Variants in LMLN observed in about 807,000 individuals in gnomAD.
LMLN encodes the protein leishmanolysin-like peptidase.
Under a neutral mutation model 92.3 loss-of-function variants are expected in LMLN, and 70 were observed. That is an observed-to-expected ratio of 0.76 (90% CI 0.63 to 0.92). LMLN has a LOEUF of 0.92. LMLN is among the 40% of genes least tolerant of loss of function. The pLI is 0.00. For missense variants in LMLN, 691 were observed against 814.6 expected (o/e 0.85, Z 1.85); for synonymous variants, 308 against 296.2 (o/e 1.04, Z -0.41).
In LMLN at chr3:198,019,125, A is replaced by G; in HGVS notation, c.1233-128A>G. 1.1e-6 allele frequency: 1 copy of G among 907,316 alleles called. No individual in the cohort carries two copies. The highest frequency in any genetic ancestry group is 2.6e-5 in the East Asian group (1 of 38,098). 56.2% of individuals were successfully genotyped at this position (907,316 alleles called of 1,614,324 possible). On this transcript the variant is annotated intron_variant, in intron 11 of 15. Transcript: ENST00000330198. The surrounding 1 kb of genome is among the most constrained non-coding windows in gnomAD (Gnocchi z 5.5). ...ACATTGCCTCCATCTCTTTCCAAGAATCCCATTTGTTAATTATGAAGGTTT... is the reference window on the plus strand; with the variant it reads ...ACATTGCCTCCATCTCTTTCCAAGAGTCCCATTTGTTAATTATGAAGGTTT...
exon 16 of LMLN, chr3:198,038,691 A>G (rs748177909): frequency 2.0e-6 from 3 of 1,512,940 alleles, no homozygotes; most frequent in Admixed American, 3.3e-5. Flanking sequence ...GATCTTCAAG[A>G]TATTCTTTTA....
intron 11 of LMLN, among the ~76,000 whole-genome samples, chr3:198,012,303 G>T (rs1722467847): frequency 6.6e-6 from 1 of 152,214 alleles, no homozygotes; most frequent in Admixed American, 6.5e-5. Flanking sequence ...GACCTCAGCT[G>T]ATCTGCCCGC....
rs1234413035 is a variant in LMLN at position 198,019,870 on chromosome 3, T to C, written c.1365+485T>C. ...TTTATGTTTCTTTTTATCTTTTATC[T>C]TTTTTTCCGAGACCGAGTCTCACTC... is the stretch of plus-strand genomic sequence containing the variant. On this transcript the variant is annotated intron_variant, in intron 12 of 15. Transcript: ENST00000330198. This position sits in a 1 kb window ranked among gnomAD's most constrained non-coding sequence, Gnocchi z 5.5. Among the ~76,000 whole-genome samples, 1 of 152,140 alleles carries C rather than the reference T, an allele frequency of 6.6e-6. No homozygotes were observed. The highest frequency in any genetic ancestry group is 1.5e-5 in the Non-Finnish European group (1 of 68,028).
chr3:197,971,983 CTCT>C, intron 1 of LMLN, among the ~76,000 whole-genome samples: 1 of 69,644 alleles, frequency 1.4e-5, no homozygotes, highest in Non-Finnish European at 2.7e-5. Flanking sequence ...TTTTTCATTT[CTCT>C]TCTTCGGATT....
chr3:197,996,207 T>A lies in LMLN; in HGVS notation c.1080T>A (p.Val360=), dbSNP rs142917444. ...CACGAAAACATTTTGATTGTCCAGTTCTAGAGGGAATGGAACTTGAAAATC... is the reference window on the plus strand; with the variant it reads ...CACGAAAACATTTTGATTGTCCAGTACTAGAGGGAATGGAACTTGAAAATC... The change falls in exon 10 of 16, where the codon GTT becomes GTA. Residue 360 remains valine, a synonymous_variant. Coordinates refer to ENST00000330198, the Ensembl canonical transcript of LMLN. The A allele has an allele frequency of 2.4e-4, 382 of 1,605,406 alleles. No homozygotes were observed. The African/African-American group carries it at 4.4e-3, about 19-fold the overall frequency.
chr3:198,039,826 G>T (rs960859423), exon 16 of LMLN: 1 of 152,128 alleles, frequency 6.6e-6, no homozygotes. Context: ...CACTGTGCTG[G>T]TAGCCCTCTG....
At chr3:197,965,038 A>G (rs910176498) in intron 1 of LMLN, among the ~76,000 whole-genome samples, 5 of 151,486 alleles carry the variant, frequency 3.3e-5, no homozygotes, top group Admixed American at 1.3e-4. Flanking sequence ...AGAAAGAGAC[A>G]AGGTGTCCCT....
intron 11 of LMLN, among the ~76,000 whole-genome samples, chr3:198,002,375 C>G (rs1482424102): frequency 6.6e-6 from 1 of 152,228 alleles, no homozygotes; most frequent in African/African-American, 2.4e-5. Context: ...AAATGGTCAA[C>G]CGCCTCAGCC....
Position 197,998,918 on chromosome 3 carries a change from G to A in LMLN, c.1156-348G>A, listed in dbSNP as rs1352169415. Among the ~76,000 whole-genome samples the A allele has an allele frequency of 7.2e-5, 11 of 152,310 alleles. No homozygotes were observed. In the East Asian group the frequency reaches 1.9e-3, roughly 27 times the overall value. ...TATTCTCCCTGACCCCAAATTATCTGTGCATTTGCCTCAATCACCCACTTT... is the reference window on the plus strand; with the variant it reads ...TATTCTCCCTGACCCCAAATTATCTATGCATTTGCCTCAATCACCCACTTT... On this transcript the variant is annotated intron_variant, in intron 10 of 15. Coordinates refer to ENST00000330198, the Ensembl canonical transcript of LMLN.
intron 13 of LMLN, among the ~76,000 whole-genome samples, chr3:198,022,619 G>A (rs534401371): frequency 1.8e-4 from 28 of 152,332 alleles, no homozygotes; most frequent in Non-Finnish European, 3.1e-4. Context: ...ACTTTGGGAG[G>A]CCAAGGCAGG....
At chr3:197,974,890 G>A (rs564674259) in intron 2 of LMLN, 152 bp from the exon 3 acceptor site, 18 of 628,828 alleles carry the variant, frequency 2.9e-5, no homozygotes, top group Non-Finnish European at 4.8e-5. Flanking sequence ...TGAAAGCAAG[G>A]TTATTAGAAA....
At chr3:197,980,580 A>G in intron 6 of LMLN, 76 bp downstream of exon 6, 1 of 1,406,180 alleles carries the variant, frequency 7.1e-7, no homozygotes, top group South Asian at 1.3e-5. Context: ...TTTAGTGTTA[A>G]GATTACAGGA....
chr3:197,971,022 T>G (rs1241491921), intron 1 of LMLN, among the ~76,000 whole-genome samples: 1 of 152,224 alleles, frequency 6.6e-6, no homozygotes, highest in Non-Finnish European at 1.5e-5. Context: ...AAGGGTACTT[T>G]CATTGGATAT....
chr3:198,003,562 A>G (rs928295798), intron 11 of LMLN, among the ~76,000 whole-genome samples: 2 of 152,096 alleles, frequency 1.3e-5, no homozygotes, highest in African/African-American at 4.8e-5. Context: ...TAAAAAATAC[A>G]GAGTAAGTTT....
chr3:197,961,182 T>C (rs1720868840), intron 1 of LMLN, among the ~76,000 whole-genome samples: 1 of 152,220 alleles, frequency 6.6e-6, no homozygotes, highest in Non-Finnish European at 1.5e-5. Context: ...TATGGGATAA[T>C]GGCTTATTTT....
chr3:197,977,369 AC>A (rs1453028608), intron 5 of LMLN, among the ~76,000 whole-genome samples: 3 of 152,240 alleles, frequency 2.0e-5, no homozygotes, highest in African/African-American at 7.2e-5. Flanking sequence ...CTGGAAGTAC[AC>A]ACGTTAAATC....
chr3:198,017,065 T>G, intron 11 of LMLN, among the ~76,000 whole-genome samples: 1 of 151,854 alleles, frequency 6.6e-6, no homozygotes, highest in Non-Finnish European at 1.5e-5. Context: ...AAGGCTGCAG[T>G]GAGCAATGGT....
exon 1 of LMLN, chr3:197,960,396 G>A: frequency 6.2e-7 from 1 of 1,613,986 alleles, no homozygotes; most frequent in Non-Finnish European, 8.5e-7. Flanking sequence ...CGTCTCCTTG[G>A]GCAGTTCCCC....
chr3:198,027,321 A>G (rs907978696), intron 14 of LMLN, among the ~76,000 whole-genome samples: 15 of 151,398 alleles, frequency 9.9e-5, no homozygotes, highest in African/African-American at 3.4e-4. Flanking sequence ...GCTTTTGAGG[A>G]AGGGGAAAGG....
Sources: gnomAD v4.1 joint callset for allele counts (sites outside exome capture counted in the v4.1 genomes callset) on GRCh38, gnomAD v4.1.1 for gene constraint, Gnocchi (gnomAD v3.1) non-coding constraint, MANE v1.5 for transcripts, NCBI Gene and HGNC (gene_info 2026-07-23, HGNC 2026-07-21) for gene names.